The following LUC7L3 variants were observed in gnomAD, a reference collection of about 807,000 sequenced individuals.
LUC7L3 encodes luc7-like protein 3.
Under a neutral mutation model 66.8 loss-of-function variants are expected in LUC7L3, and 6 were observed. The ratio of observed to expected loss-of-function variants is 0.09; its 90% CI spans 0.05 to 0.18. The LOEUF (loss-of-function observed/expected upper bound fraction) is 0.18. Ranked by LOEUF, LUC7L3 falls within the 10% of genes least tolerant of loss-of-function variation. LUC7L3 has a pLI of 1.00. For missense variants in LUC7L3, 341 were observed against 531.1 expected (o/e 0.64, Z 3.52); for synonymous variants, 160 against 174.7 (o/e 0.92, Z 0.66).
intron 5 of LUC7L3, 55 bp downstream of exon 5, chr17:50,741,786 G>A: frequency 7.2e-7 from 1 of 1,380,210 alleles, no homozygotes; most frequent in Non-Finnish European, 1.0e-6. Flanking sequence ...CATGTAACCA[G>A]CAAAAATACA....
At chr17:50,730,648 T>C (rs1178746245) in intron 1 of LUC7L3, among the ~76,000 whole-genome samples, 2 of 152,018 alleles carry the variant, frequency 1.3e-5, no homozygotes, top group East Asian at 1.9e-4. Flanking sequence ...ATCATTAAGA[T>C]GTCCTTAATG....
intron 1 of LUC7L3, chr17:50,724,137 C>G (rs1266824544): frequency 3.5e-6 from 1 of 285,484 alleles, no homozygotes; most frequent in African/African-American, 2.3e-5. Flanking sequence ...AATATTATTT[C>G]CTCTGTATCC....
At position 50,730,355 on chromosome 17, in the gene LUC7L3, T is replaced by G. The variant is rs181925972; in HGVS notation, c.100-6605T>G. On this transcript the variant is annotated intron_variant, in intron 1 of 9. Coordinates refer to ENST00000505658, the MANE Select transcript of LUC7L3 (RefSeq NM_016424.5). ...ATCAACCATGGTAAAACCCCATCTCTACTAAAAATACAAAAATTAGCCAGG... is the reference window on the plus strand; with the variant it reads ...ATCAACCATGGTAAAACCCCATCTCGACTAAAAATACAAAAATTAGCCAGG... Among the ~76,000 whole-genome samples the G allele has an allele frequency of 9.9e-5, 15 of 151,988 alleles. No homozygotes were observed. In the East Asian group the frequency reaches 2.7e-3, roughly 27 times the overall value.
In LUC7L3 at chr17:50,751,792, A is replaced by C; in HGVS notation, c.*1131A>C. On this transcript the variant is annotated 3_prime_UTR_variant, in exon 10 of 10. Transcript: ENST00000505658. ...AAGGACAGACACCTTCAATTTGTGA[A>C]ATCAAAGAACTGATGCACTATATAG... The C allele has an allele frequency of 9.8e-7, 1 of 1,017,552 alleles. No homozygotes were observed. The allele number at this position is 1,017,552 out of a possible 1,614,324, so 63.0% of individuals were successfully genotyped here. A position where few individuals can be genotyped will look rare whatever the true frequency, so the allele number is the denominator to read the frequency against.
intron 1 of LUC7L3, among the ~76,000 whole-genome samples, chr17:50,726,297 A>G (rs1462623171): frequency 6.6e-6 from 1 of 152,060 alleles, no homozygotes; most frequent in Non-Finnish European, 1.5e-5. Context: ...TCAGCCTCCC[A>G]GGTAGCTGGG....
chr17:50,740,975 C>T (rs1202117931), intron 3 of LUC7L3, 127 bp from the exon 4 acceptor site: 4 of 897,754 alleles, frequency 4.5e-6, no homozygotes, highest in Non-Finnish European at 7.1e-6. Flanking sequence ...CAGAAAGTCA[C>T]TTCAAATACA....
chr17:50,733,248 GT>G (rs57619229), intron 1 of LUC7L3, among the ~76,000 whole-genome samples: 155 of 144,462 alleles, frequency 1.1e-3, no homozygotes, highest in Middle Eastern at 3.6e-3. Context: ...GTAAAACTTT[GT>G]TTTTTTTTTT....
chr17:50,744,916 A>G (rs1970572046), intron 7 of LUC7L3, 103 bp downstream of exon 7: 5 of 893,464 alleles, frequency 5.6e-6, no homozygotes, highest in Non-Finnish European at 8.4e-6. Flanking sequence ...GGTTTAAGCA[A>G]TTCTCATGCC....
chr17:50,729,482 G>T (rs1304642049), intron 1 of LUC7L3, among the ~76,000 whole-genome samples: 1 of 151,946 alleles, frequency 6.6e-6, no homozygotes, highest in African/African-American at 2.4e-5. Flanking sequence ...TCCAGTTCAG[G>T]GTGGTGGGTG....
At chr17:50,736,227 A>G (rs6504681) in intron 1 of LUC7L3, among the ~76,000 whole-genome samples, 152,106 of 152,382 alleles carry the variant, frequency 1, 75,915 homozygotes, top group Non-Finnish European at 1. Flanking sequence ...ACATGGTTTG[A>G]TTTGTAGTGT....
At chr17:50,737,262 C>T (rs1290936596) in intron 2 of LUC7L3, 2 of 627,176 alleles carry the variant, frequency 3.2e-6, no homozygotes, top group Admixed American at 2.1e-5. Context: ...CAAAACTCCA[C>T]TTAAATGAAA....
chr17:50,730,735 G>A (rs187006938), intron 1 of LUC7L3, among the ~76,000 whole-genome samples: 1 of 151,976 alleles, frequency 6.6e-6, no homozygotes, highest in East Asian at 1.9e-4. Flanking sequence ...GAGGTCAGAA[G>A]TTTGAGACCA....
intron 1 of LUC7L3, chr17:50,724,007 A>G: frequency 4.4e-6 from 2 of 454,168 alleles, no homozygotes; most frequent in African/African-American, 2.0e-5. Context: ...TCCATGTGTT[A>G]TATGTGTATG....
intron 1 of LUC7L3, chr17:50,723,274 A>C (rs1480600553): frequency 6.6e-6 from 1 of 152,234 alleles, no homozygotes; most frequent in African/African-American, 2.4e-5. Flanking sequence ...CCATTTATCA[A>C]ACTCAAGCCT....
rs1357170096 is a variant in LUC7L3, at chr17:50,755,403, A to G, written c.*4742A>G. The G allele has an allele frequency of 6.6e-6, 1 of 152,220 alleles. No homozygotes were observed. Among genetic ancestry groups the G allele is most frequent in the East Asian group, 1.9e-4 (1 of 5,202 alleles). The allele number at this position is 152,220 out of a possible 1,614,324, so 9.4% of individuals were successfully genotyped here. Reference sequence around the variant, plus strand: ...TGAGTCTTGCTGTTTTTACCTGGTAATATTTAGAAACATTTATTTTGAGAT... The same window carrying G: ...TGAGTCTTGCTGTTTTTACCTGGTAGTATTTAGAAACATTTATTTTGAGAT... On this transcript the variant is annotated 3_prime_UTR_variant, in exon 10 of 10. Transcript: ENST00000505658.
intron 8 of LUC7L3, 102 bp downstream of exon 8, chr17:50,746,105 A>G: frequency 7.1e-7 from 1 of 1,410,620 alleles, no homozygotes; most frequent in East Asian, 2.5e-5. Context: ...GGAAGCTCTT[A>G]AGCATCTTTA....
intron 1 of LUC7L3, among the ~76,000 whole-genome samples, chr17:50,732,638 T>TC: frequency 6.6e-6 from 1 of 151,262 alleles, no homozygotes; most frequent in African/African-American, 2.4e-5. Context: ...TGCTTTGGCC[T>TC]CCCAAAATGC....
chr17:50,745,185 G>GT (rs1160733001), intron 7 of LUC7L3, among the ~76,000 whole-genome samples: 2 of 151,980 alleles, frequency 1.3e-5, no homozygotes, highest in African/African-American at 2.4e-5. Context: ...TAGAGACGGG[G>GT]TTTTTTCCTG....
Position 50,750,494 on chromosome 17 carries a change from A to G in LUC7L3, c.1139-7A>G. 11 of 1,606,604 alleles carry G rather than the reference A, an allele frequency of 6.8e-6. No individual in the cohort carries two copies. The highest frequency in any genetic ancestry group is 9.3e-6 in the Non-Finnish European group (11 of 1,176,506). On this transcript the variant is annotated splice_region_variant and splice_polypyrimidine_tract_variant and intron_variant, in intron 9 of 9. Coordinates refer to ENST00000505658, the MANE Select transcript of LUC7L3 (RefSeq NM_016424.5). The stretch of plus-strand genomic sequence containing the variant: ...AAATCCATGGTCAATGTCTTCTTTT[A>G]TGGCAGAAAAGAGGGGATCTGATGA...
Sources: allele counts gnomAD v4.1 joint callset (sites outside exome capture counted in the v4.1 genomes callset), GRCh38; gene constraint gnomAD v4.1.1; transcripts MANE v1.5; gene names NCBI Gene and HGNC (gene_info 2026-07-23, HGNC 2026-07-21).